Variants in CLCN5 observed in about 807,000 individuals in gnomAD.
The protein encoded by CLCN5 is H(+)/Cl(-) exchange transporter 5.
Under a neutral mutation model 54.0 loss-of-function variants are expected in CLCN5, and 17 were observed. The ratio of observed to expected loss-of-function variants is 0.31; its 90% CI spans 0.22 to 0.47. The LOEUF (loss-of-function observed/expected upper bound fraction) is 0.47, where lower values mean the gene tolerates loss of function less well. Ranked by LOEUF, CLCN5 falls within the 20% of genes least tolerant of loss-of-function variation. The probability of loss-of-function intolerance (pLI) is 1.00; values close to 1 mark genes in which losing one functional copy is unlikely to be tolerated. For missense variants in CLCN5, 448 were observed against 646.7 expected, an observed-to-expected ratio of 0.69 and a Z score of 3.33; for synonymous variants, 222 against 233.0, an observed-to-expected ratio of 0.95 and a Z score of 0.43.
intron 3 of CLCN5, among the ~76,000 whole-genome samples, chrX:49,994,875 A>G (rs1236826230): frequency 8.9e-6 from 1 of 112,110 alleles, no homozygotes; most frequent in African/African-American, 3.2e-5. Context: ...ATTCATATCA[A>G]CTTTGGTATG....
rs2147625559 is a variant in CLCN5, at chrX:50,099,111, G to C, written c.*6892G>C. ...AGCAATGGAATGGACATTGGCAGAA[G>C]GGTTAATGGATTGTCCAGCCCTTTC... On this transcript the variant is annotated 3_prime_UTR_variant, in exon 15 of 15. Coordinates refer to ENST00000376091, the MANE Select transcript of CLCN5 (RefSeq NM_001127898.4). 8.9e-6 allele frequency: 1 copy of C among 112,930 alleles called. No homozygotes were observed. The highest frequency in any genetic ancestry group is 1.9e-5 in the Non-Finnish European group (1 of 53,290). The allele number at this position is 112,930 out of a possible 1,213,427, so 9.3% of individuals were successfully genotyped here.
rs1934133340 is a variant in CLCN5, at chrX:50,092,391, T to C, written c.*172T>C. 2.3e-6 allele frequency: 1 copy of C among 437,993 alleles called. No homozygotes were observed. Among genetic ancestry groups the C allele is most frequent in the African/African-American group, 2.4e-5 (1 of 40,914 alleles). 36.1% of individuals were successfully genotyped at this position (437,993 alleles called of 1,213,427 possible). A position where few individuals can be genotyped will look rare whatever the true frequency, so the allele number is the denominator to read the frequency against. On this transcript the variant is annotated 3_prime_UTR_variant, in exon 15 of 15. Coordinates refer to ENST00000376091, the MANE Select transcript of CLCN5 (RefSeq NM_001127898.4). ...ACTACATAATCTCTGGAAATTAATT[T>C]TCTCTTTAGGAGAAATTATAGTTAG... is the stretch of plus-strand genomic sequence containing the variant.
At chrX:49,971,071 C>G (rs1601996701) in intron 3 of CLCN5, among the ~76,000 whole-genome samples, 1 of 108,788 alleles carries the variant, frequency 9.2e-6, no homozygotes, top group East Asian at 2.8e-4. Context: ...TTTATAAACG[C>G]AATTGTTTTC....
chrX:49,992,208 CTTTT>C (rs200172433), intron 3 of CLCN5, among the ~76,000 whole-genome samples: 1 of 84,199 alleles, frequency 1.2e-5, no homozygotes. Flanking sequence ...CTCTTTTTTT[CTTTT>C]TTTTTTTTTT....
Position 49,933,936 on chromosome X carries a change from G to T in CLCN5, c.16+8622G>T, listed in dbSNP as rs184401093. 7.2e-5 allele frequency among the ~76,000 whole-genome samples: 8 copies of T among 111,453 alleles called. No homozygotes were observed. In the East Asian group the frequency reaches 2.3e-3, roughly 31 times the overall value. On this transcript the variant is annotated intron_variant, in intron 3 of 14. Coordinates refer to ENST00000376091, the MANE Select transcript of CLCN5 (RefSeq NM_001127898.4). The stretch of plus-strand genomic sequence containing the variant: ...TAAACTGGAAGGGGTCTTCAGAGGT[G>T]ATCTGTTTCAGATGTATAATCTTGC...
intron 3 of CLCN5, among the ~76,000 whole-genome samples, chrX:49,939,161 G>C (rs1926175412): frequency 1.8e-5 from 2 of 111,778 alleles, no homozygotes; most frequent in Non-Finnish European, 3.8e-5. Flanking sequence ...AGGATGTGGA[G>C]AAATAGGAAC....
chrX:50,069,795 G>T (rs1458857640), intron 4 of CLCN5, 84 bp from the exon 5 acceptor site: 21 of 1,103,097 alleles, frequency 1.9e-5, no homozygotes, highest in East Asian at 3.3e-5. Flanking sequence ...ATAGTTTAAG[G>T]GCCCGCCTTT....
rs55872304 is a variant in CLCN5, at chrX:50,031,008, C to T, written c.17-11308C>T. 2.0e-4 allele frequency among the ~76,000 whole-genome samples: 22 copies of T among 111,752 alleles called. 1 individual carries two copies. The highest frequency in any genetic ancestry group is 6.8e-4 in the African/African-American group (21 of 30,801). ...CTGGTAGACCCTTGTCCTTGATCCT[C>T]CAGGGTGCTTCTCTACACTTCACAT... On this transcript the variant is annotated intron_variant, in intron 3 of 14. Transcript: ENST00000376091.
At chrX:50,064,892 C>G (rs868944609) in intron 4 of CLCN5, among the ~76,000 whole-genome samples, 7,089 of 103,977 alleles carry the variant, frequency 0.068, 641 homozygotes, top group African/African-American at 0.26. Flanking sequence ...ACAAACCTGA[C>G]AAAAACAAGC....
At chrX:49,935,764 A>G (rs1429274965) in intron 3 of CLCN5, among the ~76,000 whole-genome samples, 2 of 111,111 alleles carry the variant, frequency 1.8e-5, no homozygotes, top group African/African-American at 6.6e-5. Flanking sequence ...CTTTCCCAGC[A>G]TGGTCCATTG....
At chrX:50,035,766 A>T (rs1005229418) in intron 3 of CLCN5, among the ~76,000 whole-genome samples, 2 of 112,321 alleles carry the variant, frequency 1.8e-5, no homozygotes, top group Non-Finnish European at 3.8e-5. Context: ...ACTGAATGCC[A>T]TACAAAGAAG....
At chrX:50,025,618 T>G (rs1210653443) in intron 3 of CLCN5, among the ~76,000 whole-genome samples, 1 of 111,640 alleles carries the variant, frequency 9.0e-6, no homozygotes, top group Non-Finnish European at 1.9e-5. Flanking sequence ...TTCTGTGTCT[T>G]TCTTTGATTT....
intron 4 of CLCN5, among the ~76,000 whole-genome samples, chrX:50,065,929 G>A (rs1458812869): frequency 2.3e-4 from 22 of 94,363 alleles, no homozygotes; most frequent in African/African-American, 7.0e-4. Flanking sequence ...ACCAAACACC[G>A]CATATTCTCA....
At position 50,086,576 on chromosome X, in the gene CLCN5, G is replaced by T; in HGVS notation, c.1263G>T (p.Gln421His). Residue 421 changes from glutamine (Q) to histidine (H), a missense_variant, in exon 11 of 15, where the codon CAG becomes CAT. By Grantham distance (24) the Gln-to-His change is conservative. Coordinates refer to ENST00000376091, the MANE Select transcript of CLCN5 (RefSeq NM_001127898.4). ...GGTGTCGGAAGCGAAAGACCACCCAGTTGGGCAAGTATCCTGTTATAGAGG... is the reference window on the plus strand; with the variant it reads ...GGTGTCGGAAGCGAAAGACCACCCATTTGGGCAAGTATCCTGTTATAGAGG... ...IAWCRKRKTT[Q>H]LGKYPVIEVL... 3 of 1,211,120 alleles carry T rather than the reference G, an allele frequency of 2.5e-6. No homozygotes were observed. The highest frequency in any genetic ancestry group is 2.2e-6 in the Non-Finnish European group (2 of 895,353).
intron 3 of CLCN5, among the ~76,000 whole-genome samples, chrX:50,036,436 A>G (rs1181553578): frequency 1.8e-5 from 2 of 112,536 alleles, no homozygotes; most frequent in Non-Finnish European, 3.7e-5. Flanking sequence ...AGGCAGCTCA[A>G]TTTAGCTGGA....
chrX:49,996,234 G>C (rs1929516631), intron 3 of CLCN5, among the ~76,000 whole-genome samples: 2 of 111,886 alleles, frequency 1.8e-5, no homozygotes, highest in South Asian at 3.8e-4. Context: ...CACCACATAG[G>C]ATGAATTACC....
intron 3 of CLCN5, among the ~76,000 whole-genome samples, chrX:49,944,937 C>G (rs1241972543): frequency 8.9e-6 from 1 of 112,251 alleles, no homozygotes; most frequent in Non-Finnish European, 1.9e-5. Flanking sequence ...CTTCTGAACT[C>G]CTGCGTCTGT....
intron 3 of CLCN5, among the ~76,000 whole-genome samples, chrX:50,032,895 G>C (rs1323503645): frequency 2.7e-5 from 3 of 110,964 alleles, no homozygotes; most frequent in Non-Finnish European, 5.7e-5. Context: ...ATTAATTTTT[G>C]TATAAGGTGT....
At chrX:50,080,313 G>T (rs1933637065) in intron 7 of CLCN5, among the ~76,000 whole-genome samples, 1 of 111,441 alleles carries the variant, frequency 9.0e-6, no homozygotes, top group Non-Finnish European at 1.9e-5. Flanking sequence ...TATAGAAAGA[G>T]AATTTTGTTT....
Sources: gnomAD v4.1 joint callset for allele counts (sites outside exome capture counted in the v4.1 genomes callset) on GRCh38, gnomAD v4.1.1 for gene constraint, MANE v1.5 for transcripts, NCBI Gene and HGNC (gene_info 2026-07-23, HGNC 2026-07-21) for gene names.